The following C1orf141 variants were observed in gnomAD, a reference collection of about 807,000 sequenced individuals.
C1orf141 encodes the protein chromosome 1 open reading frame 141, also known as uncharacterized protein C1orf141.
A neutral mutation model predicts 23.2 loss-of-function variants in C1orf141; 19 were observed. That is an observed-to-expected ratio of 0.82 (90% CI 0.57 to 1.20). The LOEUF (loss-of-function observed/expected upper bound fraction) is 1.20, where lower values mean the gene tolerates loss of function less well. Among genes scored for constraint, C1orf141 ranks in the 50% most tolerant of loss-of-function variants. The probability of loss-of-function intolerance (pLI) is 0.00; values close to 1 mark genes in which losing one functional copy is unlikely to be tolerated. For missense variants in C1orf141, 469 were observed against 455.1 expected, an observed-to-expected ratio of 1.03 and a Z score of -0.28; for synonymous variants, 153 against 154.6, an observed-to-expected ratio of 0.99 and a Z score of 0.08.
At chr1:67,107,241 G>C (rs903833617) in intron 5 of C1orf141, among the ~76,000 whole-genome samples, 1 of 151,920 alleles carries the variant, frequency 6.6e-6, no homozygotes, top group South Asian at 2.1e-4. Context: ...AATAAAAAGA[G>C]AGATAACTAA....
chr1:67,128,043 G>A (rs975445089), intron 2 of C1orf141, among the ~76,000 whole-genome samples: 1 of 152,084 alleles, frequency 6.6e-6, no homozygotes, highest in Non-Finnish European at 1.5e-5. Flanking sequence ...AAATTAAATT[G>A]GTCAATGATC....
intron 4 of C1orf141, among the ~76,000 whole-genome samples, chr1:67,120,507 A>G (rs765522649): frequency 3.9e-5 from 6 of 152,142 alleles, no homozygotes; most frequent in Non-Finnish European, 5.9e-5. Flanking sequence ...AAATTCATAT[A>G]TTGAAGTCTA....
intron 1 of C1orf141, among the ~76,000 whole-genome samples, chr1:67,140,765 T>G (rs4655681): frequency 0.84 from 127,535 of 152,026 alleles, 53,900 homozygotes; most frequent in East Asian, 1. Context: ...ATTTAAAAGT[T>G]GATAATAACA....
intron 5 of C1orf141, among the ~76,000 whole-genome samples, chr1:67,114,319 C>T (rs1051805366): frequency 1.3e-5 from 2 of 151,900 alleles, no homozygotes; most frequent in Non-Finnish European, 2.9e-5. Flanking sequence ...TCTGGAGTAA[C>T]GTATCATCAC....
At chr1:67,128,615 C>T (rs1040998637) in intron 2 of C1orf141, among the ~76,000 whole-genome samples, 1 of 151,768 alleles carries the variant, frequency 6.6e-6, no homozygotes, top group Non-Finnish European at 1.5e-5. Flanking sequence ...GAGGAGGGAT[C>T]GCTTGAACCC....
In C1orf141 at chr1:67,093,305, AG is replaced by A; in HGVS notation, c.902del (p.Thr301IlefsTer6). ...ATCTGTTTTCTAGTGTCTGCTTATTAGTTTTCTTCTTTAGTTTATCATCTAC... is the reference window on the plus strand; with the variant it reads ...ATCTGTTTTCTAGTGTCTGCTTATTATTTTCTTCTTTAGTTTATCATCTAC... ...TTVDDKLKKK[T>X]NKQTLENRSW... On this transcript the variant is annotated frameshift_variant, in exon 8 of 8. Transcript: ENST00000684719. LOFTEE classifies it low-confidence loss of function (END_TRUNC). 6.2e-7 allele frequency: 1 copy of A among 1,613,600 alleles called. No homozygotes were observed. Among genetic ancestry groups the A allele is most frequent in the Non-Finnish European group, 8.5e-7 (1 of 1,179,610 alleles).
chr1:67,121,532 C>T (rs1646298960), intron 4 of C1orf141: 1 of 151,958 alleles, frequency 6.6e-6, no homozygotes, highest in Admixed American at 6.6e-5. Flanking sequence ...AAATTTCTAC[C>T]ATATGAATAT....
chr1:67,118,654 A>G (rs909120656), intron 4 of C1orf141, among the ~76,000 whole-genome samples: 3 of 152,170 alleles, frequency 2.0e-5, no homozygotes, highest in Non-Finnish European at 2.9e-5. Context: ...CTCTAACGTT[A>G]TGGTATTTGG....
At chr1:67,109,187 C>G (rs1212160972) in intron 5 of C1orf141, among the ~76,000 whole-genome samples, 1 of 151,942 alleles carries the variant, frequency 6.6e-6, no homozygotes, top group African/African-American at 2.4e-5. Flanking sequence ...AATTAGCCAG[C>G]ATGGTGGCTG....
intron 5 of C1orf141, among the ~76,000 whole-genome samples, chr1:67,105,546 C>A (rs891463769): frequency 2.6e-5 from 4 of 151,900 alleles, no homozygotes; most frequent in Non-Finnish European, 5.9e-5. Flanking sequence ...TCTGATTCAA[C>A]GTAGCTGAGT....
chr1:67,122,211 A>G (rs1646314347), intron 4 of C1orf141: 1 of 152,084 alleles, frequency 6.6e-6, no homozygotes, highest in Non-Finnish European at 1.5e-5. Context: ...TAACTTTTGT[A>G]TTTTTAGTAG....
intron 5 of C1orf141, chr1:67,111,437 G>A (rs932648495): frequency 6.8e-6 from 3 of 439,038 alleles, no homozygotes; most frequent in Non-Finnish European, 1.2e-5. Context: ...CATAATATCA[G>A]AGATGAAATC....
At position 67,092,694 on chromosome 1, in the gene C1orf141, ACTATG is replaced by A. The variant is rs142881062; in HGVS notation, c.*306_*310del. 0.081 allele frequency: 15,001 copies of A among 186,296 alleles called. 797 individuals carry two copies. The highest frequency in any genetic ancestry group is 0.12 in the Non-Finnish European group (10,609 of 89,484). The allele number at this position is 186,296 out of a possible 1,614,324, so 11.5% of individuals were successfully genotyped here. A position where few individuals can be genotyped will look rare whatever the true frequency, so the allele number is the denominator to read the frequency against. On this transcript the variant is annotated 3_prime_UTR_variant, in exon 8 of 8. Coordinates refer to ENST00000684719, the MANE Select transcript of C1orf141 (RefSeq NM_001276351.2). ...TCCAACAGCGCATTTCCAGAGTCAG[ACTATG>A]CCTTTCTTGGTCCTGAATCAGAGTT...
intron 5 of C1orf141, among the ~76,000 whole-genome samples, chr1:67,109,868 C>A (rs1468814921): frequency 1.3e-5 from 2 of 151,824 alleles, no homozygotes; most frequent in Non-Finnish European, 2.9e-5. Context: ...GTGTACTGAA[C>A]AGTTAAGGTC....
At chr1:67,138,816 G>C (rs185323899), upstream of C1orf141, 1 of 152,262 alleles carries the variant, frequency 6.6e-6, no homozygotes, top group Non-Finnish European at 1.5e-5. Flanking sequence ...GCAGCCCCCT[G>C]GTTCTAAGGA....
intron 4 of C1orf141, chr1:67,122,639 TTA>T (rs1337952262): frequency 6.6e-6 from 1 of 152,228 alleles, no homozygotes; most frequent in Non-Finnish European, 1.5e-5. Flanking sequence ...ATTGATCTAT[TTA>T]TGTTTTCTTT....
At chr1:67,100,079 A>G (rs1451515353) in intron 5 of C1orf141, among the ~76,000 whole-genome samples, 2 of 152,202 alleles carry the variant, frequency 1.3e-5, no homozygotes, top group Non-Finnish European at 2.9e-5. Flanking sequence ...TGTAATGCAC[A>G]GTTTGATAAA....
chr1:67,131,632 AC>A (rs1475655856), intron 1 of C1orf141, among the ~76,000 whole-genome samples: 1 of 151,648 alleles, frequency 6.6e-6, no homozygotes, highest in Non-Finnish European at 1.5e-5. Context: ...TTTCTGTTCC[AC>A]CATTTTCTAC....
At chr1:67,129,423 C>T (rs867060007) in intron 2 of C1orf141, among the ~76,000 whole-genome samples, 1 of 152,138 alleles carries the variant, frequency 6.6e-6, no homozygotes. Flanking sequence ...TATGATCATG[C>T]TTCTGCACCC....
Sources: allele counts gnomAD v4.1 joint callset (sites outside exome capture counted in the v4.1 genomes callset), GRCh38; gene constraint gnomAD v4.1.1; transcripts MANE v1.5; gene names NCBI Gene and HGNC (gene_info 2026-07-23, HGNC 2026-07-21).